Variants in ABCG1 observed in about 807,000 individuals in gnomAD.
The protein encoded by ABCG1 is ATP binding cassette subfamily G member 1.
ABCG1 carries 29 observed loss-of-function variants against 69.2 expected under a neutral mutation model. The observed-to-expected ratio is 0.42, with a 90% CI of 0.31 to 0.57. ABCG1 has a LOEUF of 0.57. Ranked by LOEUF, ABCG1 falls within the 20% of genes least tolerant of loss-of-function variation. The pLI is 0.15. For synonymous variants in ABCG1, 370 were observed against 374.8 expected (o/e 0.99, Z 0.15); for missense variants, 718 against 898.1 (o/e 0.80, Z 2.56).
chr21:42,202,461 C>G (rs1272536807), intron 2 of ABCG1, among the ~76,000 whole-genome samples: 1 of 152,058 alleles, frequency 6.6e-6, no homozygotes, highest in African/African-American at 2.4e-5. Context: ...GCAGTGAAAA[C>G]CGGGGGCCGG....
At chr21:42,207,218 G>A (rs1202600295) in intron 2 of ABCG1, among the ~76,000 whole-genome samples, 1 of 152,076 alleles carries the variant, frequency 6.6e-6, no homozygotes, top group Non-Finnish European at 1.5e-5. Context: ...GCTTCTGTTA[G>A]ATCTGTATAT....
intron 2 of ABCG1, chr21:42,256,599 C>T (rs1351858654): frequency 1.3e-6 from 2 of 1,517,066 alleles, no homozygotes; most frequent in African/African-American, 2.8e-5. Context: ...GCAGTTCTCA[C>T]AGTTTTTACA....
At chr21:42,285,093 A>C (rs931751412) in intron 7 of ABCG1, among the ~76,000 whole-genome samples, 12 of 152,174 alleles carry the variant, frequency 7.9e-5, no homozygotes, top group African/African-American at 2.7e-4. Flanking sequence ...GGGTGTCACC[A>C]GCATTGTAGA....
At chr21:42,294,691 G>T in intron 14 of ABCG1, 31 bp downstream of exon 14, 3 of 1,589,024 alleles carry the variant, frequency 1.9e-6, no homozygotes, top group South Asian at 1.1e-5. Context: ...ATGGCGTGGG[G>T]ACCGAGGGTG....
At chr21:42,260,108 T>G in intron 2 of ABCG1, 1 of 1,550,464 alleles carries the variant, frequency 6.4e-7, no homozygotes, top group Non-Finnish European at 8.7e-7. Context: ...GGGCCTATGG[T>G]TGGGGGTTTC....
chr21:42,200,457 G>A (rs1161472023), intron 1 of ABCG1, among the ~76,000 whole-genome samples: 3 of 152,128 alleles, frequency 2.0e-5, no homozygotes, highest in Admixed American at 1.3e-4. Flanking sequence ...ACCTTTTTAC[G>A]TGCAGTCTTC....
At chr21:42,294,997 A>G (rs1173492442) in intron 14 of ABCG1, 3 of 284,554 alleles carry the variant, frequency 1.1e-5, no homozygotes, top group East Asian at 8.7e-5. Flanking sequence ...GAGTGCTCCT[A>G]ACAAGTGCTG....
In ABCG1 at chr21:42,287,871, C is replaced by T. The variant is rs546601706; in HGVS notation, c.974-18C>T. ...CCTTCCTGGAGCCCGGGCTGACCCC[C>T]GTCTGTGTCTCCTGCAGTCATGGAG... On this transcript the variant is annotated intron_variant, in intron 8 of 14. Transcript: ENST00000398449. The surrounding 1 kb of genome is among the most constrained non-coding windows in gnomAD (Gnocchi z 6.2). 2.9e-5 allele frequency: 45 copies of T among 1,543,932 alleles called. 1 individual carries two copies. In the South Asian group the frequency reaches 4.6e-4, roughly 16 times the overall value.
intron 11 of ABCG1, among the ~76,000 whole-genome samples, chr21:42,290,652 A>G (rs2069038896): frequency 6.6e-6 from 1 of 152,344 alleles, no homozygotes; most frequent in African/African-American, 2.4e-5. Context: ...TTTGGCTGAC[A>G]GTGAACACAG....
intron 2 of ABCG1, among the ~76,000 whole-genome samples, chr21:42,256,794 C>T (rs1400009932): frequency 6.6e-6 from 1 of 152,230 alleles, no homozygotes. Flanking sequence ...AGCCTTAGGT[C>T]CACTCTCCTT....
rs115873988 is a variant in ABCG1 at position 42,284,935 on chromosome 21, G to A, written c.858+252G>A. On this transcript the variant is annotated intron_variant, in intron 7 of 14. Coordinates refer to ENST00000398449, the MANE Select transcript of ABCG1 (RefSeq NM_016818.3). ...AAACCCTGGGTACCCATGGCCTTCT[G>A]TTAGCTCGTGGGGTGTCTTCATTTT... 7.4e-3 allele frequency among the ~76,000 whole-genome samples: 1,131 copies of A among 152,290 alleles called. 15 individuals are homozygous for A. Among genetic ancestry groups the A allele is most frequent in the African/African-American group, 0.024 (987 of 41,550 alleles).
In ABCG1 at chr21:42,291,772, G is replaced by A; in HGVS notation, c.1653+116G>A. On this transcript the variant is annotated intron_variant, in intron 13 of 14. Transcript: ENST00000398449. This position sits in a 1 kb window ranked among gnomAD's most constrained non-coding sequence, Gnocchi z 6.4. ...CCCTACTTCTGCCCTGACCCTCCTA[G>A]ATGGGGTCGTTCCCACGGGAAGGGC... is the stretch of plus-strand genomic sequence containing the variant. 1 of 1,258,868 alleles carries A rather than the reference G, an allele frequency of 7.9e-7. No homozygotes were observed. Among genetic ancestry groups the A allele is most frequent in the Non-Finnish European group, 1.1e-6 (1 of 940,640 alleles). The allele number at this position is 1,258,868 out of a possible 1,614,324, so 78.0% of individuals were successfully genotyped here.
chr21:42,241,224 G>A (rs954662478), intron 2 of ABCG1, among the ~76,000 whole-genome samples: 12 of 152,364 alleles, frequency 7.9e-5, no homozygotes, highest in African/African-American at 2.4e-4. Flanking sequence ...TCCATTTATC[G>A]TAAAAGCCAA....
At chr21:42,283,783 A>ACC (rs566719527) in intron 6 of ABCG1, among the ~76,000 whole-genome samples, 180 of 13,092 alleles carry the variant, frequency 0.014, 16 homozygotes, top group Middle Eastern at 0.1. Context: ...AGTACCCCCC[A>ACC]ACCCAGATGA....
intron 2 of ABCG1, 41 bp downstream of exon 2, chr21:42,225,955 C>T: frequency 1.9e-6 from 3 of 1,594,728 alleles, no homozygotes; most frequent in African/African-American, 1.3e-5. Flanking sequence ...CTGGGAGGAG[C>T]CTCTGAAGGA....
intron 2 of ABCG1, among the ~76,000 whole-genome samples, chr21:42,239,940 T>A (rs2068027936): frequency 6.6e-6 from 1 of 152,150 alleles, no homozygotes. Flanking sequence ...CATTTTTGGG[T>A]GTCTGGTGAT....
chr21:42,215,699 C>A (rs1397064835), upstream of ABCG1, among the ~76,000 whole-genome samples: 1 of 152,184 alleles, frequency 6.6e-6, no homozygotes, highest in East Asian at 1.9e-4. Flanking sequence ...TCTAGGAAGC[C>A]ACACTGGAGA....
In ABCG1 at chr21:42,219,330, C is replaced by G. The variant is rs758923699; in HGVS notation, c.42+26C>G. On this transcript the variant is annotated intron_variant, in intron 1 of 14. Transcript: ENST00000398449. The surrounding 1 kb of genome is among the most constrained non-coding windows in gnomAD (Gnocchi z 5.3). ...GTGAGTGAGCGCATCCTTCGTCCGCCGGGAACGGTTTTATTTTCAAGGAGA... is the reference window on the plus strand; with the variant it reads ...GTGAGTGAGCGCATCCTTCGTCCGCGGGGAACGGTTTTATTTTCAAGGAGA... 2 of 1,595,714 alleles carry G rather than the reference C, an allele frequency of 1.3e-6. No individual in the cohort carries two copies. Among genetic ancestry groups the G allele is most frequent in the South Asian group, 1.1e-5 (1 of 89,526 alleles).
chr21:42,216,841 C>T (rs907879475), upstream of ABCG1, among the ~76,000 whole-genome samples: 1 of 152,226 alleles, frequency 6.6e-6, no homozygotes. Context: ...GAGGGGAACA[C>T]AGCAGTGACT....
Sources: allele counts gnomAD v4.1 joint callset (sites outside exome capture counted in the v4.1 genomes callset), GRCh38; gene constraint gnomAD v4.1.1; non-coding constraint Gnocchi (gnomAD v3.1); transcripts MANE v1.5; gene names NCBI Gene and HGNC (gene_info 2026-07-23, HGNC 2026-07-21).